The following DST variants were observed in gnomAD, a reference collection of about 807,000 sequenced individuals.
DST encodes bullous pemphigoid antigen.
In DST, 253 loss-of-function variants were observed where a neutral mutation model predicts 875.2. That is an observed-to-expected ratio of 0.29 (90% CI 0.26 to 0.32). DST has a LOEUF of 0.32. Among genes scored for constraint, DST ranks in the 10% least tolerant of loss-of-function variants. DST has a pLI of 1.00. For missense variants in DST, 8,287 were observed against 9,111.6 expected (o/e 0.91, Z 3.68); for synonymous variants, 3,124 against 3,197.1 (o/e 0.98, Z 0.77).
At chr6:56,852,306 G>T (rs998017253) in intron 3 of DST, among the ~76,000 whole-genome samples, 1 of 152,186 alleles carries the variant, frequency 6.6e-6, no homozygotes. Flanking sequence ...TCTGAACTCG[G>T]TTTAGAGTTC....
chr6:56,812,934 C>T (rs918932453), intron 4 of DST, among the ~76,000 whole-genome samples: 12 of 151,642 alleles, frequency 7.9e-5, no homozygotes, highest in Non-Finnish European at 1.5e-4. Context: ...CACATGCACA[C>T]GTATGTTTAT....
chr6:56,575,000 T>G (rs777939096), intron 50 of DST, among the ~76,000 whole-genome samples: 1 of 152,098 alleles, frequency 6.6e-6, no homozygotes, highest in Non-Finnish European at 1.5e-5. Context: ...TGAGAAAACA[T>G]CTTGAAAATT....
intron 4 of DST, among the ~76,000 whole-genome samples, chr6:56,736,518 T>C (rs527705372): frequency 6.6e-6 from 1 of 152,328 alleles, no homozygotes; most frequent in African/African-American, 2.4e-5. Flanking sequence ...GGGCTACCTC[T>C]TTCTCCTTCC....
rs146888879 is a variant in DST at position 56,493,538 on chromosome 6, G to A, written c.20395-449C>T. ...AGATTTCTTAGATTGTCAGTTTTGC[G>A]GTTTTAAAAAAGTAACAAAGACATA... On this transcript the variant is annotated intron_variant, in intron 83 of 103. Transcript: ENST00000680361. Among the ~76,000 whole-genome samples, 12 of 150,612 alleles carry A rather than the reference G, an allele frequency of 8.0e-5. 1 individual carries two copies. In the East Asian group the frequency reaches 2.0e-3, roughly 24 times the overall value.
chr6:56,650,214 G>A (rs1279729591), intron 12 of DST, among the ~76,000 whole-genome samples: 2 of 150,376 alleles, frequency 1.3e-5, no homozygotes, highest in African/African-American at 4.9e-5. Flanking sequence ...AAAGGTGTCT[G>A]CAAAGAGGAA....
At chr6:56,813,454 T>C (rs959608030) in intron 4 of DST, among the ~76,000 whole-genome samples, 23 of 152,102 alleles carry the variant, frequency 1.5e-4, no homozygotes, top group Non-Finnish European at 2.8e-4. Context: ...TCGATGTTAA[T>C]ATACTTAATT....
rs752189586 is a variant in DST, at chr6:56,555,415, G to A, written c.15066C>T (p.Tyr5022=). 1 of 1,613,506 alleles carries A rather than the reference G, an allele frequency of 6.2e-7. No homozygotes were observed. Among genetic ancestry groups the A allele is most frequent in the Admixed American group, 1.7e-5 (1 of 59,996 alleles). ...EDLSALVKEE[Y]LKAELSRQLE... is the part of the protein sequence containing the mutation. ...GTTGCCTACTAAGTTCTGCTTTCAA[G>A]TACTCTTCTTTAACCAGTGCTGACA... Residue 5022 remains tyrosine, a synonymous_variant, in exon 60 of 104, where the codon TAC becomes TAT. Coordinates refer to ENST00000680361, the MANE Select transcript of DST (RefSeq NM_001374736.1).
intron 4 of DST, chr6:56,843,027 C>T (rs778099250): frequency 7.0e-7 from 1 of 1,426,034 alleles, no homozygotes; most frequent in South Asian, 1.7e-5. Context: ...GTGCCAAGCT[C>T]CGCAGCCCCA....
chr6:56,638,945 G>T, intron 22 of DST: 1 of 396,988 alleles, frequency 2.5e-6, no homozygotes, highest in Non-Finnish European at 4.6e-6. Flanking sequence ...GCAATACTAT[G>T]TCACTTGTGC....
chr6:56,884,736 T>C (rs2127644955), intron 3 of DST, among the ~76,000 whole-genome samples: 2 of 152,256 alleles, frequency 1.3e-5, no homozygotes, highest in South Asian at 4.2e-4. Flanking sequence ...GCTCATTTTT[T>C]TTTTCTTTTT....
At chr6:56,475,457 C>T (rs2095140619) in intron 92 of DST, among the ~76,000 whole-genome samples, 1 of 149,870 alleles carries the variant, frequency 6.7e-6, no homozygotes, top group African/African-American at 2.5e-5. Context: ...ACATTAATTG[C>T]TTAACCAACT....
intron 5 of DST, among the ~76,000 whole-genome samples, chr6:56,723,791 A>T (rs2099431190): frequency 6.6e-6 from 1 of 152,240 alleles, no homozygotes; most frequent in Non-Finnish European, 1.5e-5. Flanking sequence ...TGGATTAAAC[A>T]GGGTTCTCTC....
At position 56,508,763 on chromosome 6, in the gene DST, G is replaced by T; in HGVS notation, c.19013-8C>A. The T allele has an allele frequency of 6.2e-7, 1 of 1,601,670 alleles. No individual in the cohort carries two copies. Among genetic ancestry groups the T allele is most frequent in the Non-Finnish European group, 8.5e-7 (1 of 1,171,140 alleles). ...CAAGCTTATCCTGAACAGCTATGAA[G>T]CAAAACAATATCCACAAGGCGACTG... On this transcript the variant is annotated splice_region_variant and splice_polypyrimidine_tract_variant and intron_variant, in intron 74 of 103. Coordinates refer to ENST00000680361, the MANE Select transcript of DST (RefSeq NM_001374736.1).
intron 4 of DST, among the ~76,000 whole-genome samples, chr6:56,788,464 G>A (rs2099709649): frequency 6.6e-6 from 1 of 152,038 alleles, no homozygotes. Context: ...TTACAGATGT[G>A]AGCCATCGCT....
chr6:56,730,444 A>G (rs2099493006), intron 5 of DST, among the ~76,000 whole-genome samples: 1 of 152,184 alleles, frequency 6.6e-6, no homozygotes. Flanking sequence ...TTGTTGTCCT[A>G]TGAATTTCTA....
intron 61 of DST, among the ~76,000 whole-genome samples, chr6:56,545,279 C>T (rs913655606): frequency 6.6e-6 from 1 of 152,062 alleles, no homozygotes; most frequent in Admixed American, 6.5e-5. Flanking sequence ...GCTGGGATTA[C>T]AGGCATGACC....
intron 52 of DST, 80 bp downstream of exon 52, chr6:56,572,667 T>G: frequency 9.6e-7 from 1 of 1,043,142 alleles, no homozygotes; most frequent in East Asian, 2.6e-5. Flanking sequence ...TTGCCAATTA[T>G]AATTCTGGCA....
chr6:56,690,834 C>T (rs1384297545), intron 9 of DST, among the ~76,000 whole-genome samples: 2 of 152,144 alleles, frequency 1.3e-5, no homozygotes, highest in East Asian at 1.9e-4. Context: ...CAAACACCTC[C>T]AAGGTAACAG....
chr6:56,817,663 A>C (rs1376047108), intron 4 of DST, among the ~76,000 whole-genome samples: 2 of 152,126 alleles, frequency 1.3e-5, no homozygotes, highest in African/African-American at 4.8e-5. Context: ...GTGTTAAAGG[A>C]AATCATGATG....
Sources: gnomAD v4.1 joint callset for allele counts (sites outside exome capture counted in the v4.1 genomes callset) on GRCh38, gnomAD v4.1.1 for gene constraint, MANE v1.5 for transcripts, NCBI Gene and HGNC (gene_info 2026-07-23, HGNC 2026-07-21) for gene names.